BAZ1B: variants seen among roughly 807,000 people sequenced by gnomAD.
BAZ1B encodes bromodomain adjacent to zinc finger domain 1B, also known as tyrosine-protein kinase BAZ1B.
Under a neutral mutation model 153.8 loss-of-function variants are expected in BAZ1B, and 22 were observed. The observed-to-expected ratio is 0.14, with a 90% CI of 0.10 to 0.20. The LOEUF (loss-of-function observed/expected upper bound fraction) is 0.20. Ranked by LOEUF, BAZ1B falls within the 10% of genes least tolerant of loss-of-function variation. The pLI, the probability that BAZ1B is intolerant of heterozygous loss-of-function variation, is 1.00. For missense variants in BAZ1B, 1,325 were observed against 1,799.3 expected (o/e 0.74, Z 4.77); for synonymous variants, 676 against 633.4 (o/e 1.07, Z -1.01).
rs534527302 is a variant in BAZ1B at position 73,455,554 on chromosome 7, G to A, written c.3432+3982C>T. Reference sequence around the variant, plus strand: ...CTCAGCACTTTGGGAGGCCAGGGTGGGTGGATCACTTCAGCCCAGGAGTTC... The same window carrying A: ...CTCAGCACTTTGGGAGGCCAGGGTGAGTGGATCACTTCAGCCCAGGAGTTC... On this transcript the variant is annotated intron_variant, in intron 13 of 19. Transcript: ENST00000339594. Among the ~76,000 whole-genome samples the A allele has an allele frequency of 3.3e-5, 5 of 152,222 alleles. No individual in the cohort carries two copies. The South Asian group carries it at 1.0e-3, about 32-fold the overall frequency.
intron 5 of BAZ1B, among the ~76,000 whole-genome samples, chr7:73,491,354 T>A (rs1789637004): frequency 1.3e-5 from 2 of 152,114 alleles, no homozygotes; most frequent in South Asian, 2.1e-4. Flanking sequence ...ATCCCAGCAC[T>A]TTGGGAGGCC....
chr7:73,488,723 A>C (rs1041471206), intron 6 of BAZ1B, among the ~76,000 whole-genome samples: 5 of 151,756 alleles, frequency 3.3e-5, no homozygotes, highest in African/African-American at 4.8e-5. Context: ...TCAAAAAAAA[A>C]AAAAAAACAA....
chr7:73,514,151 G>C (rs1413163700), intron 1 of BAZ1B, among the ~76,000 whole-genome samples: 2 of 152,108 alleles, frequency 1.3e-5, no homozygotes, highest in Admixed American at 1.3e-4. Context: ...TTCAGATTTT[G>C]GAGCATTTCT....
At chr7:73,496,901 A>AC (rs1196782800) in intron 4 of BAZ1B, among the ~76,000 whole-genome samples, 1 of 151,870 alleles carries the variant, frequency 6.6e-6, no homozygotes, top group Non-Finnish European at 1.5e-5. Flanking sequence ...GGCCGAGGCC[A>AC]CAAGGAGGTC....
In BAZ1B at chr7:73,444,044, G is replaced by T. The variant is rs138494576; in HGVS notation, c.3930C>A (p.His1310Gln). Residue 1310 changes from histidine to glutamine, a missense_variant, in exon 17 of 20, where the codon CAC becomes CAA. Physicochemically the swap from His to Gln is conservative, Grantham distance 24 (BLOSUM62 0). Around this residue, in one of 9 missense-constraint regions of BAZ1B, gnomAD observed 271 missense variants for 337.2 expected, o/e 0.80. Transcript: ENST00000339594. ...RSGRRPGKKP[H>Q]STRRSQPKAP... Reference sequence around the variant, plus strand: ...CCTTGGGCTGAGACCTCCTGGTAGAGTGTGGCTTCTTACCCGGGCGCCGGC... The same window carrying T: ...CCTTGGGCTGAGACCTCCTGGTAGATTGTGGCTTCTTACCCGGGCGCCGGC... 5.1e-5 allele frequency: 83 copies of T among 1,613,908 alleles called. No individual in the cohort carries two copies. The African/African-American group carries it at 1.0e-3, about 20-fold the overall frequency.
chr7:73,448,266 C>T (rs1400512323), intron 15 of BAZ1B, among the ~76,000 whole-genome samples: 3 of 152,074 alleles, frequency 2.0e-5, no homozygotes, highest in Admixed American at 6.6e-5. Flanking sequence ...ATCGCGCCAT[C>T]GTACTCCAGC....
chr7:73,484,312 T>TAGAC (rs1158399182), intron 6 of BAZ1B, among the ~76,000 whole-genome samples: 347 of 149,248 alleles, frequency 2.3e-3, no homozygotes, highest in African/African-American at 6.6e-3. Flanking sequence ...GATAGATAGA[T>TAGAC]AGACAGACAG....
chr7:73,452,704 A>G (rs572926372), intron 13 of BAZ1B, among the ~76,000 whole-genome samples: 96 of 150,550 alleles, frequency 6.4e-4, no homozygotes, highest in Non-Finnish European at 1.2e-3. Context: ...CCTGGGTGAC[A>G]GAGCAAGACT....
chr7:73,507,778 G>T (rs145058347), intron 3 of BAZ1B, among the ~76,000 whole-genome samples: 1 of 151,278 alleles, frequency 6.6e-6, no homozygotes, highest in Admixed American at 6.6e-5. Context: ...GTGGGCGGAC[G>T]GCTTAAGCCA....
At chr7:73,516,489 A>T (rs918880519) in intron 1 of BAZ1B, among the ~76,000 whole-genome samples, 2 of 152,080 alleles carry the variant, frequency 1.3e-5, no homozygotes, top group Non-Finnish European at 2.9e-5. Context: ...AGTCAAACTG[A>T]TTATAAAATC....
chr7:73,503,622 G>A (rs970670752), intron 3 of BAZ1B, among the ~76,000 whole-genome samples: 14 of 152,050 alleles, frequency 9.2e-5, no homozygotes, highest in African/African-American at 2.9e-4. Flanking sequence ...CCAACCTCCC[G>A]CCTCAGCCTC....
At chr7:73,451,217 CTTCT>C (rs1788017809) in intron 13 of BAZ1B, among the ~76,000 whole-genome samples, 1 of 152,194 alleles carries the variant, frequency 6.6e-6, no homozygotes, top group African/African-American at 2.4e-5. Flanking sequence ...GGACAAGCAT[CTTCT>C]AGGGAAATCC....
intron 3 of BAZ1B, among the ~76,000 whole-genome samples, chr7:73,504,262 T>C (rs563880782): frequency 2.4e-4 from 36 of 152,322 alleles, no homozygotes; most frequent in African/African-American, 8.2e-4. Context: ...TTCATGCCTG[T>C]AATCTCAGCA....
At chr7:73,516,637 T>C (rs1554579342) in intron 1 of BAZ1B, among the ~76,000 whole-genome samples, 1 of 150,914 alleles carries the variant, frequency 6.6e-6, no homozygotes, top group African/African-American at 2.4e-5. Flanking sequence ...TAGCCAGGCA[T>C]GGTGGCAGGC....
chr7:73,505,076 T>C (rs2116436357), intron 3 of BAZ1B, among the ~76,000 whole-genome samples: 1 of 152,260 alleles, frequency 6.6e-6, no homozygotes, highest in East Asian at 1.9e-4. Flanking sequence ...CCTGTCTCTT[T>C]TGAGACTTAA....
chr7:73,517,327 G>A (rs568865295), intron 1 of BAZ1B, among the ~76,000 whole-genome samples: 4 of 151,854 alleles, frequency 2.6e-5, no homozygotes, highest in East Asian at 3.9e-4. Flanking sequence ...ACCTCGTCTC[G>A]TCTCTACAAA....
At chr7:73,467,182 C>T (rs1395339256) in intron 9 of BAZ1B, among the ~76,000 whole-genome samples, 1 of 152,048 alleles carries the variant, frequency 6.6e-6, no homozygotes, top group Non-Finnish European at 1.5e-5. Context: ...ATCCGCCCGC[C>T]TTGGCCTCCC....
chr7:73,472,486 A>C (rs1788843029), intron 7 of BAZ1B, among the ~76,000 whole-genome samples: 1 of 152,002 alleles, frequency 6.6e-6, no homozygotes, highest in Admixed American at 6.6e-5. Context: ...TTGAACTCCC[A>C]ACCTCAGGTG....
In BAZ1B at chr7:73,507,518, T is replaced by C. The variant is rs554469897; in HGVS notation, c.369+809A>G. The stretch of plus-strand genomic sequence containing the variant: ...AGCCAAGATCGCGAAACTGCACTAT[T>C]CCAGCATGGATGACAGACTAAGACC... On this transcript the variant is annotated intron_variant, in intron 3 of 19. Coordinates refer to ENST00000339594, the MANE Select transcript of BAZ1B (RefSeq NM_032408.4). Among the ~76,000 whole-genome samples the C allele has an allele frequency of 4.6e-5, 7 of 151,600 alleles. No individual in the cohort carries two copies. In the East Asian group the frequency reaches 9.8e-4, roughly 21 times the overall value.
Sources: gnomAD v4.1 joint callset for allele counts (sites outside exome capture counted in the v4.1 genomes callset) on GRCh38, gnomAD v4.1.1 for gene constraint, gnomAD v4.1.1 regional missense constraint, MANE v1.5 for transcripts, NCBI Gene and HGNC (gene_info 2026-07-23, HGNC 2026-07-21) for gene names.